UBAP2: variants seen among roughly 807,000 people sequenced by gnomAD.
UBAP2 encodes ubiquitin associated protein 2, also known as ubiquitin-associated protein 2.
Under a neutral mutation model 139.6 loss-of-function variants are expected in UBAP2, and 75 were observed. The observed-to-expected ratio is 0.54, with a 90% CI of 0.45 to 0.65. The LOEUF is 0.65. UBAP2 is among the 30% of genes least tolerant of loss of function. The pLI, the probability that UBAP2 is intolerant of heterozygous loss-of-function variation, is 0.00. For synonymous variants in UBAP2, 526 were observed against 526.2 expected, an observed-to-expected ratio of 1.00 and a Z score of 0.01; for missense variants, 1,368 against 1,369.6, an observed-to-expected ratio of 1.00 and a Z score of 0.02.
chr9:34,039,261 C>T (rs1416129642), intron 1 of UBAP2, among the ~76,000 whole-genome samples: 2 of 149,602 alleles, frequency 1.3e-5, no homozygotes, highest in East Asian at 2.0e-4. Context: ...GCCGCCGCCC[C>T]GTCCGAGAGG....
chr9:33,927,685 C>T (rs1340771845), intron 20 of UBAP2, 112 bp downstream of exon 20: 8 of 1,118,252 alleles, frequency 7.2e-6, no homozygotes, highest in South Asian at 1.6e-5. Context: ...GAACACGCAG[C>T]GCACTCGGCG....
chr9:33,962,915 G>GT (rs1388546232), intron 9 of UBAP2, among the ~76,000 whole-genome samples: 3 of 151,012 alleles, frequency 2.0e-5, no homozygotes, highest in Non-Finnish European at 2.9e-5. Flanking sequence ...GGAGGTGGAG[G>GT]TTGCAGTGAG....
At chr9:33,940,608 GT>G in intron 16 of UBAP2, among the ~76,000 whole-genome samples, 1 of 152,078 alleles carries the variant, frequency 6.6e-6, no homozygotes, top group East Asian at 1.9e-4. Context: ...GTGATACCCC[GT>G]CTCTAAACAA....
At chr9:34,001,430 T>C (rs1043061574) in intron 2 of UBAP2, among the ~76,000 whole-genome samples, 25 of 152,224 alleles carry the variant, frequency 1.6e-4, no homozygotes, top group African/African-American at 5.1e-4. Context: ...TAAGCTCTGA[T>C]TGGTGAGTGA....
Position 34,046,315 on chromosome 9 carries a change from G to A in UBAP2, c.-42+2510C>T, listed in dbSNP as rs539613170. ...AATCATCATTTAAAAAAAAAAAAAA[G>A]AGGACTGGGAAATCAACAATTCAAA... On this transcript the variant is annotated intron_variant, in intron 1 of 28. Transcript: ENST00000379238. Among the ~76,000 whole-genome samples the A allele has an allele frequency of 1.2e-4, 10 of 84,342 alleles. No homozygotes were observed. The East Asian group carries it at 3.0e-3, about 25-fold the overall frequency. The allele number at this position is 84,342 out of a possible 152,430, so 55.3% of individuals were successfully genotyped here.
chr9:33,942,781 T>A (rs1424795562), intron 15 of UBAP2, among the ~76,000 whole-genome samples: 1 of 151,788 alleles, frequency 6.6e-6, no homozygotes, highest in African/African-American at 2.4e-5. Context: ...TTTGTATTTA[T>A]AAAATATTCC....
chr9:34,030,023 AGGC>A (rs1825752381), intron 1 of UBAP2, among the ~76,000 whole-genome samples: 1 of 151,614 alleles, frequency 6.6e-6, no homozygotes, highest in Non-Finnish European at 1.5e-5. Flanking sequence ...TACATAGGCC[AGGC>A]ACGGTGGCTC....
rs867892312 is a variant in UBAP2, at chr9:33,974,951, G to A, written c.521-1714C>T. 4.0e-4 allele frequency among the ~76,000 whole-genome samples: 58 copies of A among 146,084 alleles called. 1 individual carries two copies. The highest frequency in any genetic ancestry group is 1.3e-3 in the African/African-American group (53 of 39,544). On this transcript the variant is annotated intron_variant, in intron 6 of 28. Coordinates refer to ENST00000379238, the MANE Select transcript of UBAP2 (RefSeq NM_001370062.2). ...AGACTAAAAAAAAAGGGGGGGGTGC[G>A]GGGGGGCGGGCAATGGACTTGAATA... is the stretch of plus-strand genomic sequence containing the variant.
At chr9:34,024,831 A>G (rs1825271941) in intron 1 of UBAP2, among the ~76,000 whole-genome samples, 2 of 152,072 alleles carry the variant, frequency 1.3e-5, no homozygotes, top group African/African-American at 4.8e-5. Context: ...TAAAACTACA[A>G]AAATTAGCTG....
At chr9:34,003,059 G>GT (rs11420628) in intron 2 of UBAP2, among the ~76,000 whole-genome samples, 89,834 of 148,108 alleles carry the variant, frequency 0.61, 27,210 homozygotes, top group Middle Eastern at 0.72. Flanking sequence ...TTCTTTCGTT[G>GT]TTTTTTTTTT....
chr9:34,000,621 AAC>A (rs1346886581), intron 2 of UBAP2, among the ~76,000 whole-genome samples: 5 of 152,222 alleles, frequency 3.3e-5, no homozygotes, highest in Non-Finnish European at 5.9e-5. Flanking sequence ...TAAAAAGCTT[AAC>A]AGTTTACAAA....
intron 6 of UBAP2, among the ~76,000 whole-genome samples, chr9:33,980,273 T>A (rs2781281): frequency 2.5e-5 from 3 of 119,628 alleles, no homozygotes; most frequent in Non-Finnish European, 3.3e-5. Context: ...TGCTCTGTTG[T>A]CCAGGCTGGA....
rs1271689900 is a variant in UBAP2 at position 33,922,371 on chromosome 9, C to CA, written c.*132dup. ...TACATACAGTAGCCAGTCTGGGAGG[C>CA]AGACTCCCCACAGAGGCATGGCTGA... On this transcript the variant is annotated 3_prime_UTR_variant, in exon 29 of 29. Coordinates refer to ENST00000379238, the MANE Select transcript of UBAP2 (RefSeq NM_001370062.2). 1 of 840,824 alleles carries CA rather than the reference C, an allele frequency of 1.2e-6. No homozygotes were observed. Among genetic ancestry groups the CA allele is most frequent in the African/African-American group, 1.7e-5 (1 of 59,188 alleles). 52.1% of individuals were successfully genotyped at this position (840,824 alleles called of 1,614,324 possible).
intron 1 of UBAP2, among the ~76,000 whole-genome samples, chr9:34,019,723 A>ACG (rs973719511): frequency 2.7e-5 from 4 of 150,622 alleles, no homozygotes; most frequent in African/African-American, 7.3e-5. Context: ...ACACACACAC[A>ACG]CGCACAGAAA....
At chr9:34,043,668 A>G (rs887099975) in intron 1 of UBAP2, among the ~76,000 whole-genome samples, 12 of 151,254 alleles carry the variant, frequency 7.9e-5, no homozygotes, top group Admixed American at 6.0e-4. Flanking sequence ...TAATTTTTAC[A>G]TTTTTTTTAT....
At chr9:33,944,104 G>A (rs763120805) in intron 14 of UBAP2, among the ~76,000 whole-genome samples, 20 of 152,194 alleles carry the variant, frequency 1.3e-4, no homozygotes, top group South Asian at 4.1e-4. Flanking sequence ...ATGGGATACA[G>A]CAAAACCCTC....
Position 33,944,552 on chromosome 9 carries a change from G to A in UBAP2, c.1358C>T (p.Pro453Leu), listed in dbSNP as rs1425255623. The A allele has an allele frequency of 6.2e-7, 1 of 1,614,182 alleles. No homozygotes were observed. Among genetic ancestry groups the A allele is most frequent in the East Asian group, 2.2e-5 (1 of 44,880 alleles). Residue 453 changes from proline (P) to leucine (L), a missense_variant, in exon 14 of 29, where the codon CCT (proline) becomes CTT (leucine). Coordinates refer to ENST00000379238, the MANE Select transcript of UBAP2 (RefSeq NM_001370062.2). ...GGAAGGAAAGGACTCCAAACCAGGA[G>A]GAGGAACAGTGACTGCCTGGCTCTG... ...QHQSQAVTVP[P>L]PGLESFPSQA...
At position 33,985,425 on chromosome 9, in the gene UBAP2, T is replaced by C. The variant is rs567023839; in HGVS notation, c.520+1335A>G. Among the ~76,000 whole-genome samples the C allele has an allele frequency of 7.0e-4, 107 of 152,308 alleles. 1 individual carries two copies. Among genetic ancestry groups the C allele is most frequent in the South Asian group, 3.5e-3 (17 of 4,826 alleles). On this transcript the variant is annotated intron_variant, in intron 6 of 28. Coordinates refer to ENST00000379238, the MANE Select transcript of UBAP2 (RefSeq NM_001370062.2). ...AAATATAGAGAATCAACCTAAGTGTTCATCAACAGATGAATGGATTTTAAA... is the reference window on the plus strand; with the variant it reads ...AAATATAGAGAATCAACCTAAGTGTCCATCAACAGATGAATGGATTTTAAA...
At chr9:33,938,001 TTTTG>T (rs1824747123) in intron 16 of UBAP2, among the ~76,000 whole-genome samples, 1 of 152,098 alleles carries the variant, frequency 6.6e-6, no homozygotes, top group Admixed American at 6.6e-5. Context: ...TCTTTTGTTT[TTTTG>T]TTTTTGTTTT....
Sources: allele counts gnomAD v4.1 joint callset (sites outside exome capture counted in the v4.1 genomes callset), GRCh38; gene constraint gnomAD v4.1.1; transcripts MANE v1.5; gene names NCBI Gene and HGNC (gene_info 2026-07-23, HGNC 2026-07-21).